BCAS3: variants seen among roughly 807,000 people sequenced by gnomAD.
BCAS3 encodes BCAS4/BCAS3 fusion.
BCAS3 carries 53 observed loss-of-function variants against 116.1 expected under a neutral mutation model. That is an observed-to-expected ratio of 0.46 (90% CI 0.37 to 0.57). BCAS3 has a LOEUF of 0.57. Among genes scored for constraint, BCAS3 ranks in the 20% least tolerant of loss-of-function variants. The pLI, the probability that BCAS3 is intolerant of heterozygous loss-of-function variation, is 0.00. For missense variants in BCAS3, 917 were observed against 1,165.4 expected, an observed-to-expected ratio of 0.79 and a Z score of 3.10; for synonymous variants, 391 against 408.2, an observed-to-expected ratio of 0.96 and a Z score of 0.51.
In BCAS3 at chr17:60,985,047, G is replaced by A. The variant is rs138377302; in HGVS notation, c.1222-4924G>A. ...AAAAAAAAAAGTTTTGTTTTAATAC[G>A]GGCATACAATGTCAAATAAGTGCAT... On this transcript the variant is annotated intron_variant, in intron 14 of 23. Transcript: ENST00000407086. Among the ~76,000 whole-genome samples the A allele has an allele frequency of 6.7e-3, 998 of 149,374 alleles. 9 individuals carry two copies. The highest frequency in any genetic ancestry group is 0.011 in the Non-Finnish European group (724 of 67,574).
chr17:61,369,926 G>C (rs982760605), intron 23 of BCAS3, among the ~76,000 whole-genome samples: 1 of 152,192 alleles, frequency 6.6e-6, no homozygotes, highest in African/African-American at 2.4e-5. Context: ...ACCGGAGCCC[G>C]GTGCCACTGG....
In BCAS3 at chr17:61,362,213, A is replaced by C. The variant is rs1363657677; in HGVS notation, c.2426-6114A>C. On this transcript the variant is annotated intron_variant, in intron 22 of 23. Transcript: ENST00000407086. The surrounding 1 kb of genome is among the most constrained non-coding windows in gnomAD (Gnocchi z 4.4). ...TGGTGAGCAGTTTGGTAAGCTTGCC[A>C]AGGAGGCTCCCCTCTACACTGGTTC... 6.6e-6 allele frequency among the ~76,000 whole-genome samples: 1 copy of C among 152,216 alleles called. No individual in the cohort carries two copies. Among genetic ancestry groups the C allele is most frequent in the East Asian group, 1.9e-4 (1 of 5,194 alleles).
rs1407365449 is a variant in BCAS3 at position 60,808,006 on chromosome 17, G to C, written c.406G>C (p.Ala136Pro). ...ARILPAPQFG[A>P]QKCDNFAEKR... ...ATTTATTTTATCCTTCCTGTCAGGT[G>C]CTCAAAAATGTGATAACTTTGCTGA... Residue 136 changes from alanine to proline, a missense_variant and splice_region_variant, in exon 7 of 24, where the codon GCT becomes CCT. Physicochemically the swap from Ala to Pro is conservative, Grantham distance 27. This residue lies in a region of BCAS3 where 807 missense variants were observed against 1,026.0 expected (regional missense o/e 0.79). Coordinates refer to ENST00000407086, the MANE Select transcript of BCAS3 (RefSeq NM_017679.5). 10 of 1,598,728 alleles carry C rather than the reference G, an allele frequency of 6.3e-6. No individual in the cohort carries two copies. The highest frequency in any genetic ancestry group is 8.6e-6 in the Non-Finnish European group (10 of 1,168,442).
At chr17:61,310,153 T>C (rs2054184147) in intron 22 of BCAS3, among the ~76,000 whole-genome samples, 1 of 152,234 alleles carries the variant, frequency 6.6e-6, no homozygotes, top group Non-Finnish European at 1.5e-5. Context: ...TCTCCCTGCT[T>C]CCATCTTTCC....
rs2071614326 is a variant in BCAS3, at chr17:61,073,346, A to C, written c.2030-1574A>C. Among the ~76,000 whole-genome samples, 1 of 152,210 alleles carries C rather than the reference A, an allele frequency of 6.6e-6. No homozygotes were observed. The highest frequency in any genetic ancestry group is 1.5e-5 in the Non-Finnish European group (1 of 68,034). On this transcript the variant is annotated intron_variant, in intron 19 of 23. Transcript: ENST00000407086. The surrounding 1 kb of genome is among the most constrained non-coding windows in gnomAD (Gnocchi z 4.6). ...TATGCCTCTGCTGAGTAATTCACTG[A>C]ATTAGCATTTCTCCTCTTGCAGCAA...
At chr17:61,089,461 G>C (rs1601140706) in intron 22 of BCAS3, among the ~76,000 whole-genome samples, 1 of 148,128 alleles carries the variant, frequency 6.8e-6, no homozygotes, top group Admixed American at 6.7e-5. Flanking sequence ...TTCATGGACT[G>C]GGGGAAGAGT....
chr17:60,962,474 G>A lies in BCAS3; in HGVS notation c.1221+15122G>A, dbSNP rs189647834. On this transcript the variant is annotated intron_variant, in intron 14 of 23. Transcript: ENST00000407086. The surrounding 1 kb of genome is among the most constrained non-coding windows in gnomAD (Gnocchi z 4.4). ...TTTTTCATATACCTATTGGCCATTT[G>A]CATGTCTTCTTTTGAGAAATGTGTG... 4.6e-5 allele frequency among the ~76,000 whole-genome samples: 7 copies of A among 152,096 alleles called. No individual in the cohort carries two copies. The South Asian group carries it at 6.2e-4, about 14-fold the overall frequency.
intron 7 of BCAS3, among the ~76,000 whole-genome samples, chr17:60,840,445 A>C (rs1209546398): frequency 6.6e-6 from 1 of 152,204 alleles, no homozygotes; most frequent in Non-Finnish European, 1.5e-5. Flanking sequence ...TTTTCATTCT[A>C]TAGATGCAAA....
At chr17:61,169,350 C>G (rs1311557361) in intron 22 of BCAS3, among the ~76,000 whole-genome samples, 1 of 152,188 alleles carries the variant, frequency 6.6e-6, no homozygotes, top group Non-Finnish European at 1.5e-5. Flanking sequence ...CAGTCCTTTA[C>G]ATAGAAGTAG....
rs377230470 is a variant in BCAS3 at position 60,974,984 on chromosome 17, TTTTTTTGC to T, written c.1222-14979_1222-14972del. Among the ~76,000 whole-genome samples the T allele has an allele frequency of 3.2e-3, 441 of 139,250 alleles. 6 individuals carry two copies. The highest frequency in any genetic ancestry group is 0.014 in the African/African-American group (420 of 29,188). 91.4% of individuals were successfully genotyped at this position (139,250 alleles called of 152,430 possible). On this transcript the variant is annotated intron_variant, in intron 14 of 23. Transcript: ENST00000407086. ...TATTCAAGCCATTTGTTTTTTTTGT[TTTTTTTGC>T]TTTTTTGTTTTTTTTTTTTTGAGAC...
chr17:60,876,116 T>C (rs2055582400), intron 9 of BCAS3, among the ~76,000 whole-genome samples: 1 of 152,038 alleles, frequency 6.6e-6, no homozygotes, highest in South Asian at 2.1e-4. Context: ...CTCTGATCAA[T>C]ATATGTAAAC....
chr17:61,273,114 T>A (rs545784055), intron 22 of BCAS3, among the ~76,000 whole-genome samples: 239 of 152,070 alleles, frequency 1.6e-3, no homozygotes, highest in Middle Eastern at 0.01. Flanking sequence ...TATTTTATTT[T>A]TTTTTTTTTC....
At chr17:60,758,892 G>A (rs1330462957) in intron 6 of BCAS3, among the ~76,000 whole-genome samples, 1 of 151,702 alleles carries the variant, frequency 6.6e-6, no homozygotes, top group Non-Finnish European at 1.5e-5. Context: ...TTGTTCAGGA[G>A]TATCCTATGT....
intron 14 of BCAS3, among the ~76,000 whole-genome samples, chr17:60,981,573 G>A (rs894407144): frequency 2.6e-5 from 4 of 152,158 alleles, no homozygotes; most frequent in Non-Finnish European, 5.9e-5. Flanking sequence ...GTGAGCCACT[G>A]TGCCCAGCCA....
chr17:60,960,450 A>T lies in BCAS3; in HGVS notation c.1221+13098A>T, dbSNP rs536755030. ...GGATATGCGTAGGATAGACATTTCA[A>T]AAGGAAGAAATGGAAAAGAATAAAA... On this transcript the variant is annotated intron_variant, in intron 14 of 23. Coordinates refer to ENST00000407086, the MANE Select transcript of BCAS3 (RefSeq NM_017679.5). This position sits in a 1 kb window ranked among gnomAD's most constrained non-coding sequence, Gnocchi z 4.1. Among the ~76,000 whole-genome samples the T allele has an allele frequency of 6.6e-6, 1 of 152,324 alleles. No individual in the cohort carries two copies. Among genetic ancestry groups the T allele is most frequent in the South Asian group, 2.1e-4 (1 of 4,828 alleles).
chr17:60,816,109 G>C (rs946201282), intron 7 of BCAS3, among the ~76,000 whole-genome samples: 7 of 152,036 alleles, frequency 4.6e-5, no homozygotes, highest in Non-Finnish European at 7.4e-5. Flanking sequence ...GAGAGGAGTG[G>C]GATGTCCAGG....
At chr17:61,329,337 A>AT (rs199782162) in intron 22 of BCAS3, among the ~76,000 whole-genome samples, 5,539 of 105,476 alleles carry the variant, frequency 0.053, 149 homozygotes, top group Non-Finnish European at 0.087. Context: ...TATTATTATT[A>AT]TTATTATTTT....
At position 60,747,230 on chromosome 17, in the gene BCAS3, T is replaced by G; in HGVS notation, c.354T>G (p.Val118=). The G allele has an allele frequency of 6.2e-7, 1 of 1,613,424 alleles. No individual in the cohort carries two copies. Among genetic ancestry groups the G allele is most frequent in the Non-Finnish European group, 8.5e-7 (1 of 1,179,406 alleles). Residue 118 remains valine, a synonymous_variant, in exon 6 of 24, where the codon GTT becomes GTG. Coordinates refer to ENST00000407086, the MANE Select transcript of BCAS3 (RefSeq NM_017679.5). ...GTGAAGCACAAGAGCTCTTCTCTGT[T>G]CGACATGGCCCAATTCGAGCGGCTA... is the stretch of plus-strand genomic sequence containing the variant. The part of the protein sequence containing the change: ...ISGEAQELFS[V]RHGPIRAARI...
chr17:61,029,670 A>G lies in BCAS3; in HGVS notation c.1638-4996A>G, dbSNP rs1009015298. Among the ~76,000 whole-genome samples the G allele has an allele frequency of 6.6e-6, 1 of 152,010 alleles. No individual in the cohort carries two copies. Among genetic ancestry groups the G allele is most frequent in the Admixed American group, 6.6e-5 (1 of 15,232 alleles). On this transcript the variant is annotated intron_variant, in intron 16 of 23. Coordinates refer to ENST00000407086, the MANE Select transcript of BCAS3 (RefSeq NM_017679.5). This position sits in a 1 kb window ranked among gnomAD's most constrained non-coding sequence, Gnocchi z 5.2. ...ATCAAAAAACATACATGACAGGTAG[A>G]CAATGGGTAGTCCATATAAGTATAT...
Sources: allele counts gnomAD v4.1 joint callset (sites outside exome capture counted in the v4.1 genomes callset), GRCh38; gene constraint gnomAD v4.1.1; regional missense constraint gnomAD v4.1.1; non-coding constraint Gnocchi (gnomAD v3.1); transcripts MANE v1.5; gene names NCBI Gene and HGNC (gene_info 2026-07-23, HGNC 2026-07-21).